DUSP16: variants seen among roughly 807,000 people sequenced by gnomAD.
The protein encoded by DUSP16 is dual specificity phosphatase 16.
A neutral mutation model predicts 58.3 loss-of-function variants in DUSP16; 21 were observed. The observed-to-expected ratio is 0.36, with a 90% confidence interval of 0.26 to 0.52. The LOEUF (loss-of-function observed/expected upper bound fraction) is 0.52. DUSP16 is among the 20% of genes least tolerant of loss of function. The pLI is 0.94. For synonymous variants in DUSP16, 320 were observed against 323.8 expected, an observed-to-expected ratio of 0.99 and a Z score of 0.12; for missense variants, 726 against 819.0, an observed-to-expected ratio of 0.89 and a Z score of 1.39.
chr12:12,516,264 C>A (rs113680273), intron 3 of DUSP16, among the ~76,000 whole-genome samples: 1 of 150,112 alleles, frequency 6.7e-6, no homozygotes, highest in Non-Finnish European at 1.5e-5. Flanking sequence ...ATCAGCTTCC[C>A]GAGTAGCTGG....
intron 1 of DUSP16, among the ~76,000 whole-genome samples, chr12:12,537,653 T>C (rs146227883): frequency 1.3e-5 from 2 of 152,330 alleles, no homozygotes; most frequent in Non-Finnish European, 2.9e-5. Context: ...CCTAAAAATA[T>C]GCTCACAAAG....
intron 1 of DUSP16, among the ~76,000 whole-genome samples, chr12:12,555,631 A>G (rs1944795394): frequency 6.6e-6 from 1 of 152,200 alleles, no homozygotes; most frequent in South Asian, 2.1e-4. Flanking sequence ...CCCAACATAC[A>G]TAGACATTAA....
chr12:12,520,654 AAACTAAAGC>A, intron 2 of DUSP16, among the ~76,000 whole-genome samples: 1 of 152,368 alleles, frequency 6.6e-6, no homozygotes, highest in Middle Eastern at 3.4e-3. Context: ...GCACTTGTCC[AAACTAAAGC>A]AAGTTAATCC....
At position 12,487,315 on chromosome 12, in the gene DUSP16, T is replaced by C. The variant is rs1943699956; in HGVS notation, c.532-128A>G. 5.5e-6 allele frequency: 6 copies of C among 1,095,012 alleles called. No individual in the cohort carries two copies. The South Asian group carries it at 5.6e-5, about 10-fold the overall frequency. The allele number at this position is 1,095,012 out of a possible 1,614,324, so 67.8% of individuals were successfully genotyped here. A position where few individuals can be genotyped will look rare whatever the true frequency, so the allele number is the denominator to read the frequency against. ...TTGAAATATAATTCATTCAGATCAG[T>C]GAAGTCCAAAAACCTAGCAAAATGA... On this transcript the variant is annotated intron_variant, in intron 4 of 6. Transcript: ENST00000298573.
chr12:12,552,183 C>A (rs750504995), intron 1 of DUSP16, among the ~76,000 whole-genome samples: 5 of 152,002 alleles, frequency 3.3e-5, no homozygotes, highest in Non-Finnish European at 7.4e-5. Flanking sequence ...GCGGTGGCTG[C>A]GCCTGTAATC....
At chr12:12,509,355 G>GCA (rs1944043285) in intron 3 of DUSP16, among the ~76,000 whole-genome samples, 1 of 146,670 alleles carries the variant, frequency 6.8e-6, no homozygotes, top group Non-Finnish European at 1.5e-5. Flanking sequence ...ATAGCAGTAT[G>GCA]GTCCCAAAAT....
chr12:12,512,429 A>C (rs1363068406), intron 3 of DUSP16, among the ~76,000 whole-genome samples: 1 of 152,144 alleles, frequency 6.6e-6, no homozygotes, highest in African/African-American at 2.4e-5. Flanking sequence ...AGGTCTCTAG[A>C]ACTTACTCAT....
Position 12,521,186 on chromosome 12 carries a change from T to C in DUSP16, c.-88A>G. On this transcript the variant is annotated 5_prime_UTR_variant, in exon 2 of 7. It removes an upstream start codon present in the reference 5' UTR. Coordinates refer to ENST00000298573, the MANE Select transcript of DUSP16 (RefSeq NM_030640.3). ...TGTGCTCAAAGGCTCAGCCACTCCA[T>C]TGTACTAAAAGTGTATGAGGTCAGG... The C allele has an allele frequency of 9.1e-6, 14 of 1,540,642 alleles. No individual in the cohort carries two copies. The highest frequency in any genetic ancestry group is 3.7e-5 in the South Asian group (3 of 82,190).
intron 3 of DUSP16, among the ~76,000 whole-genome samples, chr12:12,507,933 G>A (rs1299659683): frequency 1.3e-5 from 2 of 152,212 alleles, no homozygotes; most frequent in Non-Finnish European, 2.9e-5. Flanking sequence ...TAGTTCTCAA[G>A]TAGTTTAATT....
intron 1 of DUSP16, among the ~76,000 whole-genome samples, chr12:12,552,449 A>T (rs1944742846): frequency 6.6e-6 from 1 of 152,130 alleles, no homozygotes; most frequent in South Asian, 2.1e-4. Flanking sequence ...ATCTCAAAAA[A>T]ATAAATAAAT....
At chr12:12,486,605 G>A (rs1319726855) in intron 5 of DUSP16, among the ~76,000 whole-genome samples, 2 of 151,864 alleles carry the variant, frequency 1.3e-5, no homozygotes, top group African/African-American at 4.8e-5. Flanking sequence ...TAAATGTAAT[G>A]GGATTTGTTT....
In DUSP16 at chr12:12,479,067, A is replaced by G. The variant is rs567918185; in HGVS notation, c.816-1052T>C. Among the ~76,000 whole-genome samples the G allele has an allele frequency of 2.0e-5, 3 of 152,316 alleles. No homozygotes were observed. The East Asian group carries it at 5.8e-4, about 29-fold the overall frequency. ...CTGGATTCAAAACCAGGCTGGTCAAATATCTGGGTCCATTTTTGTAACCAC... is the reference window on the plus strand; with the variant it reads ...CTGGATTCAAAACCAGGCTGGTCAAGTATCTGGGTCCATTTTTGTAACCAC... On this transcript the variant is annotated intron_variant, in intron 6 of 6. Coordinates refer to ENST00000298573, the MANE Select transcript of DUSP16 (RefSeq NM_030640.3).
chr12:12,536,980 G>A (rs942834368), intron 1 of DUSP16, among the ~76,000 whole-genome samples: 1 of 151,774 alleles, frequency 6.6e-6, no homozygotes, highest in Non-Finnish European at 1.5e-5. Flanking sequence ...TGGAGGTTGC[G>A]GTGGGCCAAG....
chr12:12,529,145 C>T (rs1194395283), intron 1 of DUSP16, among the ~76,000 whole-genome samples: 1 of 152,150 alleles, frequency 6.6e-6, no homozygotes, highest in Non-Finnish European at 1.5e-5. Flanking sequence ...GGGTCTTGCT[C>T]TGTCACCCAA....
rs187954966 is a variant in DUSP16, at chr12:12,540,332, A to C, written c.-365-18869T>G. ...GCCACAGAGTGAGACCCTGTCTTAAAATATATAAAAATATAAATTAAAAAA... is the reference window on the plus strand; with the variant it reads ...GCCACAGAGTGAGACCCTGTCTTAACATATATAAAAATATAAATTAAAAAA... On this transcript the variant is annotated intron_variant, in intron 1 of 6. Coordinates refer to ENST00000298573, the MANE Select transcript of DUSP16 (RefSeq NM_030640.3). Among the ~76,000 whole-genome samples, 404 of 152,106 alleles carry C rather than the reference A, an allele frequency of 2.7e-3. 1 individual carries two copies. Among genetic ancestry groups the C allele is most frequent in the Non-Finnish European group, 4.1e-3 (281 of 68,002 alleles).
intron 3 of DUSP16, among the ~76,000 whole-genome samples, chr12:12,510,278 T>C (rs573389808): frequency 2.6e-5 from 4 of 152,246 alleles, no homozygotes; most frequent in South Asian, 2.1e-4. Context: ...AGATTATCCA[T>C]AGGGGAAACT....
At chr12:12,549,041 T>C (rs1944689933) in intron 1 of DUSP16, among the ~76,000 whole-genome samples, 1 of 152,204 alleles carries the variant, frequency 6.6e-6, no homozygotes, top group Admixed American at 6.5e-5. Context: ...TACACACATA[T>C]GTATATCTTT....
intron 1 of DUSP16, among the ~76,000 whole-genome samples, chr12:12,526,277 T>TC (rs1944307052): frequency 6.9e-6 from 1 of 144,366 alleles, no homozygotes; most frequent in African/African-American, 2.6e-5. Context: ...ATAACAACTT[T>TC]CCCCCTTTAA....
At chr12:12,549,946 T>C (rs1944701778) in intron 1 of DUSP16, among the ~76,000 whole-genome samples, 1 of 152,126 alleles carries the variant, frequency 6.6e-6, no homozygotes, top group Non-Finnish European at 1.5e-5. Context: ...CATAGTCCCT[T>C]CTCCCTGACA....
Sources: allele counts gnomAD v4.1 joint callset (sites outside exome capture counted in the v4.1 genomes callset), GRCh38; gene constraint gnomAD v4.1.1; transcripts MANE v1.5; gene names NCBI Gene and HGNC (gene_info 2026-07-23, HGNC 2026-07-21).